Variants in LRP8 observed in about 807,000 individuals in gnomAD.
LRP8 encodes low-density lipoprotein receptor-related protein 8.
In LRP8, 46 loss-of-function variants were observed where a neutral mutation model predicts 111.6. The observed-to-expected ratio is 0.41, with a 90% confidence interval of 0.33 to 0.53. The LOEUF (loss-of-function observed/expected upper bound fraction) is 0.53, where lower values mean the gene tolerates loss of function less well. Ranked by LOEUF, LRP8 falls within the 20% of genes least tolerant of loss-of-function variation. The probability of loss-of-function intolerance (pLI) is 0.20; values close to 1 mark genes in which losing one functional copy is unlikely to be tolerated. For missense variants in LRP8, 959 were observed against 1,297.4 expected (o/e 0.74, Z 4.01); for synonymous variants, 464 against 511.2 (o/e 0.91, Z 1.24).
At position 53,303,206 on chromosome 1, in the gene LRP8, C is replaced by T. The variant is rs1238189055; in HGVS notation, c.245-13517G>A. 1.3e-5 allele frequency among the ~76,000 whole-genome samples: 2 copies of T among 152,208 alleles called. No individual in the cohort carries two copies. The highest frequency in any genetic ancestry group is 4.8e-5 in the African/African-American group (2 of 41,442). ...AGGGACTTTGGGGAGAGCTGGGTTG[C>T]CTCCCCGTTCGAATGGGAGAGGGCC... On this transcript the variant is annotated intron_variant, in intron 2 of 18. Transcript: ENST00000306052. This position sits in a 1 kb window ranked among gnomAD's most constrained non-coding sequence, Gnocchi z 4.3.
At chr1:53,302,396 G>A (rs758061372) in intron 2 of LRP8, among the ~76,000 whole-genome samples, 3 of 152,004 alleles carry the variant, frequency 2.0e-5, no homozygotes, top group South Asian at 2.1e-4. Context: ...ACGTTAGACC[G>A]GAACCTAACA....
At chr1:53,321,868 G>A (rs1045748189) in intron 2 of LRP8, among the ~76,000 whole-genome samples, 1 of 152,124 alleles carries the variant, frequency 6.6e-6, no homozygotes, top group Non-Finnish European at 1.5e-5. Flanking sequence ...CACAGCCAGA[G>A]GGAAGCCATC....
chr1:53,258,345 C>G lies in LRP8; in HGVS notation c.2183G>C (p.Gly728Ala), dbSNP rs150634580. 5.0e-6 allele frequency: 8 copies of G among 1,614,100 alleles called. No homozygotes were observed. In the African/African-American group the frequency reaches 1.1e-4, roughly 22 times the overall value. The change falls in exon 14 of 19, where the codon GGT becomes GCT. Residue 728 changes from glycine (G) to alanine (A), a missense_variant. Gly to Ala is a moderately conservative substitution (Grantham distance 60). Transcript: ENST00000306052. ...TCGGTAGCACCTCTTCATGTCTGGA[C>G]CCAGCCACATTGTGTCAGGACAGGC... Reference protein sequence around the residue: ...TCACPDTMWLGPDMKRCYRAP... With the variant: ...TCACPDTMWLAPDMKRCYRAP...
chr1:53,277,677 C>T (rs987354947), intron 4 of LRP8, among the ~76,000 whole-genome samples: 1 of 152,216 alleles, frequency 6.6e-6, no homozygotes, highest in Admixed American at 6.5e-5. Flanking sequence ...ACTTCTTGCC[C>T]ACCACTACAT....
chr1:53,271,534 G>A lies in LRP8; in HGVS notation c.1007-188C>T, dbSNP rs147841102. Among the ~76,000 whole-genome samples, 1,118 of 152,134 alleles carry A rather than the reference G, an allele frequency of 7.3e-3. 11 individuals carry two copies. The highest frequency in any genetic ancestry group is 0.014 in the South Asian group (66 of 4,816). On this transcript the variant is annotated intron_variant, in intron 6 of 18. Coordinates refer to ENST00000306052, the MANE Select transcript of LRP8 (RefSeq NM_004631.5). The stretch of plus-strand genomic sequence containing the variant: ...TTCTGGGCAGCAGGCGGCACAGAGA[G>A]GGCAGGTTCCTACTCCAGGCCAGAC...
intron 8 of LRP8, chr1:53,268,581 G>A (rs1381566648): frequency 6.6e-6 from 1 of 152,110 alleles, no homozygotes; most frequent in East Asian, 1.9e-4. Flanking sequence ...TTTATCTGTT[G>A]TATATTGTAT....
chr1:53,249,349 G>A lies in LRP8; in HGVS notation c.2853+31C>T. 1 of 1,607,034 alleles carries A rather than the reference G, an allele frequency of 6.2e-7. No individual in the cohort carries two copies. Among genetic ancestry groups the A allele is most frequent in the Non-Finnish European group, 8.5e-7 (1 of 1,176,078 alleles). ...CCTTGGTTCATGCCCTCACTCACCA[G>A]CCCCTCAGACTTAGAGTGGCACTGC... is the stretch of plus-strand genomic sequence containing the variant. On this transcript the variant is annotated intron_variant, in intron 18 of 18. Transcript: ENST00000306052. This position sits in a 1 kb window ranked among gnomAD's most constrained non-coding sequence, Gnocchi z 4.1.
intron 2 of LRP8, among the ~76,000 whole-genome samples, chr1:53,319,532 C>T (rs1352217726): frequency 6.6e-6 from 1 of 152,226 alleles, no homozygotes; most frequent in South Asian, 2.1e-4. Flanking sequence ...TCTATGCCCC[C>T]AAAGCAGCTA....
chr1:53,327,952 C>T lies in LRP8; in HGVS notation c.-40G>A, dbSNP rs970453720. On this transcript the variant is annotated 5_prime_UTR_variant, in exon 1 of 19. Coordinates refer to ENST00000306052, the MANE Select transcript of LRP8 (RefSeq NM_004631.5). ...TCCGGCCGCCGCGCCCCGCGCTCCC[C>T]GCGCCGCCGCCGCCGCGTCTCAGCC... is the stretch of plus-strand genomic sequence containing the variant. The T allele has an allele frequency of 1.0e-5, 11 of 1,093,644 alleles. No homozygotes were observed. Among genetic ancestry groups the T allele is most frequent in the Admixed American group, 5.3e-5 (1 of 18,974 alleles). 67.7% of individuals were successfully genotyped at this position (1,093,644 alleles called of 1,614,324 possible).
At chr1:53,263,666 G>A (rs1166416309) in intron 10 of LRP8, among the ~76,000 whole-genome samples, 1 of 152,152 alleles carries the variant, frequency 6.6e-6, no homozygotes. Flanking sequence ...AATCTTGCTG[G>A]CTCTCTCACA....
At position 53,278,205 on chromosome 1, in the gene LRP8, C is replaced by A. The variant is rs544560491; in HGVS notation, c.497-1127G>T. Among the ~76,000 whole-genome samples the A allele has an allele frequency of 2.0e-5, 3 of 152,280 alleles. No individual in the cohort carries two copies. The South Asian group carries it at 6.2e-4, about 32-fold the overall frequency. ...GGGGCTTTTCTTTCCTACTCTGACT[C>A]CTCCTCTTGGCTTTTCTGGTTTTCT... On this transcript the variant is annotated intron_variant, in intron 4 of 18. Transcript: ENST00000306052.
At chr1:53,260,709 C>T (rs1024583761) in intron 12 of LRP8, 104 bp from the exon 13 acceptor site, 12 of 1,141,904 alleles carry the variant, frequency 1.1e-5, no homozygotes, top group African/African-American at 1.5e-5. Flanking sequence ...TCCCTGAAAT[C>T]TCCCCTGATC....
intron 6 of LRP8, chr1:53,274,818 ACT>A: frequency 2.2e-6 from 1 of 456,282 alleles, no homozygotes; most frequent in South Asian, 1.5e-5. Context: ...TCACAGGGTG[ACT>A]CTGTTGGGCC....
rs1221931975 is a variant in LRP8 at position 53,276,673 on chromosome 1, C to A, written c.883+19G>T. 1.3e-6 allele frequency: 2 copies of A among 1,520,606 alleles called. No homozygotes were observed. The highest frequency in any genetic ancestry group is 5.2e-5 in the East Asian group (2 of 38,616). The allele number at this position is 1,520,606 out of a possible 1,614,324, so 94.2% of individuals were successfully genotyped here. A position where few individuals can be genotyped will look rare whatever the true frequency, so the allele number is the denominator to read the frequency against. ...TCCGCAATCCCTGGGCGGGGCTGGG[C>A]GGTATGGAGGGGGCTTACGGCAGTC... On this transcript the variant is annotated intron_variant, in intron 5 of 18. Coordinates refer to ENST00000306052, the MANE Select transcript of LRP8 (RefSeq NM_004631.5).
chr1:53,247,353 A>G (rs1322551684), intron 18 of LRP8, among the ~76,000 whole-genome samples: 1 of 152,190 alleles, frequency 6.6e-6, no homozygotes, highest in Non-Finnish European at 1.5e-5. Context: ...CTTTGTAAAG[A>G]AGAGTTGCAC....
chr1:53,272,792 C>T (rs1350629958), intron 6 of LRP8: 1 of 525,192 alleles, frequency 1.9e-6, no homozygotes, highest in Non-Finnish European at 3.3e-6. Context: ...CGGAGCCCTC[C>T]CTGACCTCTC....
At chr1:53,292,964 T>C (rs1474114880) in intron 2 of LRP8, among the ~76,000 whole-genome samples, 1 of 152,230 alleles carries the variant, frequency 6.6e-6, no homozygotes, top group East Asian at 1.9e-4. Context: ...ACCTTGCTTC[T>C]GTTCTACGTT....
chr1:53,323,286 T>C (rs1430572362), intron 2 of LRP8, among the ~76,000 whole-genome samples: 3 of 152,224 alleles, frequency 2.0e-5, no homozygotes, highest in African/African-American at 7.2e-5. Flanking sequence ...TTTCAGGTAC[T>C]TCATAGTGTT....
chr1:53,292,742 T>G (rs1205090158), intron 2 of LRP8, among the ~76,000 whole-genome samples: 1 of 152,232 alleles, frequency 6.6e-6, no homozygotes, highest in Non-Finnish European at 1.5e-5. Flanking sequence ...TGTACTCATT[T>G]GACATATGAG....
Sources: allele counts gnomAD v4.1 joint callset (sites outside exome capture counted in the v4.1 genomes callset), GRCh38; gene constraint gnomAD v4.1.1; non-coding constraint Gnocchi (gnomAD v3.1); transcripts MANE v1.5; gene names NCBI Gene and HGNC (gene_info 2026-07-23, HGNC 2026-07-21).